TEAD1: variants seen among roughly 807,000 people sequenced by gnomAD.
The protein encoded by TEAD1 is TEA domain transcription factor 1.
Under a neutral mutation model 54.9 loss-of-function variants are expected in TEAD1, and 9 were observed. The observed-to-expected ratio is 0.16, with a 90% confidence interval of 0.10 to 0.29. The LOEUF (loss-of-function observed/expected upper bound fraction) is 0.29. Ranked by LOEUF, TEAD1 falls within the 10% of genes least tolerant of loss-of-function variation. The pLI, the probability that TEAD1 is intolerant of heterozygous loss-of-function variation, is 1.00. For missense variants in TEAD1, 387 were observed against 535.9 expected, an observed-to-expected ratio of 0.72 and a Z score of 2.74; for synonymous variants, 200 against 187.8, an observed-to-expected ratio of 1.07 and a Z score of -0.53.
At chr11:12,845,829 C>T (rs1050554370) in intron 3 of TEAD1, among the ~76,000 whole-genome samples, 28 of 152,184 alleles carry the variant, frequency 1.8e-4, no homozygotes, top group Admixed American at 1.8e-3. Context: ...TAGAATTGGT[C>T]GCCTCTCTGG....
chr11:12,915,388 C>A (rs1256039304), intron 10 of TEAD1, among the ~76,000 whole-genome samples: 3 of 152,146 alleles, frequency 2.0e-5, no homozygotes, highest in Non-Finnish European at 4.4e-5. Flanking sequence ...AGGGATGATC[C>A]ACTCTGTCCC....
chr11:12,759,887 A>C (rs1375683432), intron 2 of TEAD1, among the ~76,000 whole-genome samples: 1 of 152,216 alleles, frequency 6.6e-6, no homozygotes, highest in Non-Finnish European at 1.5e-5. Context: ...TATCTCCAAC[A>C]AAGAAGACTT....
Position 12,878,738 on chromosome 11 carries a change from A to G in TEAD1, c.331-970A>G, listed in dbSNP as rs1232785827. On this transcript the variant is annotated intron_variant, in intron 5 of 12. Transcript: ENST00000527636. ...AAAATGTGAAAAGGCCCACACCCCTATGCATTTTATTGTTCCCAAGTATTA... is the reference window on the plus strand; with the variant it reads ...AAAATGTGAAAAGGCCCACACCCCTGTGCATTTTATTGTTCCCAAGTATTA... 1.2e-5 allele frequency: 4 copies of G among 333,884 alleles called. No individual in the cohort carries two copies. The East Asian group carries it at 3.7e-4, about 31-fold the overall frequency. 20.7% of individuals were successfully genotyped at this position (333,884 alleles called of 1,614,324 possible). A position where few individuals can be genotyped will look rare whatever the true frequency, so the allele number is the denominator to read the frequency against.
chr11:12,724,176 C>T (rs1440785171), intron 2 of TEAD1, among the ~76,000 whole-genome samples: 1 of 152,296 alleles, frequency 6.6e-6, no homozygotes, highest in African/African-American at 2.4e-5. Context: ...GCAACAAACA[C>T]TGAGAAAGAC....
At chr11:12,856,699 A>C (rs1589929598) in intron 3 of TEAD1, among the ~76,000 whole-genome samples, 1 of 152,282 alleles carries the variant, frequency 6.6e-6, no homozygotes, top group East Asian at 1.9e-4. Context: ...ATATGGAAGA[A>C]CGGGGTGGAG....
rs765176883 is a variant in TEAD1 at position 12,764,361 on chromosome 11, T to C, written c.129T>C (p.Phe43=). Residue 43 remains phenylalanine, a synonymous_variant, in exon 3 of 13, where the codon TTT becomes TTC. Coordinates refer to ENST00000527636, the MANE Select transcript of TEAD1 (RefSeq NM_021961.6). The stretch of plus-strand genomic sequence containing the variant: ...GGAGCCCCGACATCGAGCAAAGCTT[T>C]CAGGAGGCCCTGGCTATCTATCCAC... The C allele has an allele frequency of 7.4e-6, 12 of 1,614,188 alleles. No homozygotes were observed. The highest frequency in any genetic ancestry group is 1.6e-4 in the Middle Eastern group (1 of 6,062).
chr11:12,687,209 T>C (rs533957852), intron 2 of TEAD1, among the ~76,000 whole-genome samples: 2 of 152,340 alleles, frequency 1.3e-5, no homozygotes, highest in South Asian at 4.1e-4. Context: ...TGCTGTGCTT[T>C]TGATTAAAGA....
chr11:12,723,923 T>A (rs1324575283), intron 2 of TEAD1, among the ~76,000 whole-genome samples: 1 of 152,204 alleles, frequency 6.6e-6, no homozygotes, highest in East Asian at 1.9e-4. Context: ...TTGTTCTTTC[T>A]GGAATGCTCG....
intron 5 of TEAD1, among the ~76,000 whole-genome samples, chr11:12,871,789 G>A (rs1040421070): frequency 4.0e-5 from 6 of 151,384 alleles, no homozygotes; most frequent in African/African-American, 1.5e-4. Flanking sequence ...ACAAAACTAA[G>A]AGGAAAGGAA....
At chr11:12,710,528 C>T (rs1000180921) in intron 2 of TEAD1, among the ~76,000 whole-genome samples, 6 of 152,042 alleles carry the variant, frequency 3.9e-5, no homozygotes, top group South Asian at 2.1e-4. Flanking sequence ...GAGGGCGGTA[C>T]AGTACACACA....
At chr11:12,770,997 C>T (rs1427269243) in intron 3 of TEAD1, among the ~76,000 whole-genome samples, 3 of 152,196 alleles carry the variant, frequency 2.0e-5, no homozygotes, top group African/African-American at 7.2e-5. Flanking sequence ...ACCCTTTCCC[C>T]CAGAAAAATC....
intron 12 of TEAD1, among the ~76,000 whole-genome samples, chr11:12,931,241 T>A (rs1293612693): frequency 1.3e-5 from 2 of 152,238 alleles, no homozygotes; most frequent in Non-Finnish European, 1.5e-5. Flanking sequence ...AAAACAAATT[T>A]CTTCTGGGAG....
chr11:12,793,522 A>G (rs1945850301), intron 3 of TEAD1, among the ~76,000 whole-genome samples: 1 of 152,140 alleles, frequency 6.6e-6, no homozygotes. Flanking sequence ...TGTTTCTTTC[A>G]TACAATATTG....
intron 2 of TEAD1, among the ~76,000 whole-genome samples, chr11:12,762,697 T>C (rs529862178): frequency 6.6e-6 from 1 of 152,288 alleles, no homozygotes; most frequent in East Asian, 1.9e-4. Flanking sequence ...TGCCCACTAG[T>C]TATAGTTATA....
At chr11:12,840,567 A>C (rs1009302560) in intron 3 of TEAD1, among the ~76,000 whole-genome samples, 7 of 152,162 alleles carry the variant, frequency 4.6e-5, no homozygotes, top group African/African-American at 1.7e-4. Flanking sequence ...GCCGTGTCTT[A>C]GCCTGGGGGC....
chr11:12,875,168 GGTGTAC>G (rs1334222324), intron 5 of TEAD1, among the ~76,000 whole-genome samples: 5 of 152,148 alleles, frequency 3.3e-5, no homozygotes, highest in Non-Finnish European at 7.3e-5. Context: ...AAATTAGTGT[GGTGTAC>G]AAATGTAGCA....
At chr11:12,818,095 A>T (rs959475036) in intron 3 of TEAD1, among the ~76,000 whole-genome samples, 3 of 152,228 alleles carry the variant, frequency 2.0e-5, no homozygotes, top group Non-Finnish European at 4.4e-5. Context: ...ATTACTTTTC[A>T]TATATGTGGG....
chr11:12,699,356 A>C (rs1363627949), intron 2 of TEAD1, among the ~76,000 whole-genome samples: 1 of 152,078 alleles, frequency 6.6e-6, no homozygotes, highest in Non-Finnish European at 1.5e-5. Flanking sequence ...GAATTGTAGA[A>C]ACCGCTTGTC....
At chr11:12,781,541 C>G (rs191624979) in intron 3 of TEAD1, among the ~76,000 whole-genome samples, 1 of 151,250 alleles carries the variant, frequency 6.6e-6, no homozygotes, top group African/African-American at 2.4e-5. Flanking sequence ...AAAAGACATA[C>G]GTTGAAAAAC....
Sources: allele counts gnomAD v4.1 joint callset (sites outside exome capture counted in the v4.1 genomes callset), GRCh38; gene constraint gnomAD v4.1.1; transcripts MANE v1.5; gene names NCBI Gene and HGNC (gene_info 2026-07-23, HGNC 2026-07-21).